RAI1: variants seen among roughly 807,000 people sequenced by gnomAD.
The protein encoded by RAI1 is retinoic acid induced 1.
A neutral mutation model predicts 123.8 loss-of-function variants in RAI1; 9 were observed. That is an observed-to-expected ratio of 0.07 (90% CI 0.04 to 0.13). RAI1 has a LOEUF of 0.13. Among genes scored for constraint, RAI1 ranks in the 10% least tolerant of loss-of-function variants. The pLI, the probability that RAI1 is intolerant of heterozygous loss-of-function variation, is 1.00. For missense variants in RAI1, 2,256 were observed against 2,545.8 expected (o/e 0.89, Z 2.45); for synonymous variants, 1,231 against 1,127.3 (o/e 1.09, Z -1.84).
Position 17,810,513 on chromosome 17 carries a change from C to T in RAI1, c.*532C>T, listed in dbSNP as rs773819051. ...GGACTAGGCGGGGGAGAAAGGAAGC[C>T]TTTCTGAGAGCGGGCTAGGCCGGCA... is the stretch of plus-strand genomic sequence containing the variant. On this transcript the variant is annotated 3_prime_UTR_variant, in exon 6 of 6. Coordinates refer to ENST00000353383, the MANE Select transcript of RAI1 (RefSeq NM_030665.4). This position sits in a 1 kb window ranked among gnomAD's most constrained non-coding sequence, Gnocchi z 4.6. 1.5e-5 allele frequency: 4 copies of T among 267,060 alleles called. No individual in the cohort carries two copies. The highest frequency in any genetic ancestry group is 3.0e-5 in the Non-Finnish European group (4 of 133,244). 16.5% of individuals were successfully genotyped at this position (267,060 alleles called of 1,614,324 possible).
intron 2 of RAI1, among the ~76,000 whole-genome samples, chr17:17,771,610 C>T (rs1313298778): frequency 6.6e-6 from 1 of 152,184 alleles, no homozygotes; most frequent in African/African-American, 2.4e-5. Flanking sequence ...CTGGGGGCTC[C>T]CTGCTCATGT....
intron 2 of RAI1, among the ~76,000 whole-genome samples, chr17:17,729,301 A>T (rs1303337832): frequency 6.6e-6 from 1 of 152,160 alleles, no homozygotes; most frequent in Non-Finnish European, 1.5e-5. Context: ...GGTGGTAGAA[A>T]AGAGTAGTGG....
intron 1 of RAI1, among the ~76,000 whole-genome samples, chr17:17,687,595 C>T (rs757676195): frequency 6.6e-6 from 1 of 151,816 alleles, no homozygotes; most frequent in African/African-American, 2.4e-5. Context: ...GAGATAGGGT[C>T]GGGGTAGGGG....
At chr17:17,691,131 T>A (rs1208090370) in intron 1 of RAI1, among the ~76,000 whole-genome samples, 1 of 152,208 alleles carries the variant, frequency 6.6e-6, no homozygotes, top group African/African-American at 2.4e-5. Context: ...TGTGCCAGGC[T>A]GTGGAGCAGT....
At chr17:17,729,091 G>C (rs943482023) in intron 2 of RAI1, among the ~76,000 whole-genome samples, 8 of 152,302 alleles carry the variant, frequency 5.3e-5, no homozygotes, top group African/African-American at 1.7e-4. Flanking sequence ...CCTGGGCAAG[G>C]CCTGCCTCGC....
At chr17:17,757,184 A>C (rs1325022192) in intron 2 of RAI1, among the ~76,000 whole-genome samples, 1 of 152,114 alleles carries the variant, frequency 6.6e-6, no homozygotes, top group Non-Finnish European at 1.5e-5. Flanking sequence ...CCAGTTTATA[A>C]GTGGGGACAG....
Position 17,809,887 on chromosome 17 carries a change from G to A in RAI1, c.5710-83G>A. 4.5e-6 allele frequency: 7 copies of A among 1,544,144 alleles called. No individual in the cohort carries two copies. The highest frequency in any genetic ancestry group is 5.2e-6 in the Non-Finnish European group (6 of 1,143,582). ...GGGGTCGCCTGGGTCTGGGGCTTAG[G>A]CGGGGGGCCCACACTGGGGGCGGGG... On this transcript the variant is annotated intron_variant, in intron 5 of 5. Transcript: ENST00000353383. This position sits in a 1 kb window ranked among gnomAD's most constrained non-coding sequence, Gnocchi z 4.9.
At chr17:17,808,414 A>ATTTTATTTTATTATT (rs1266596226) in intron 4 of RAI1, among the ~76,000 whole-genome samples, 7 of 125,894 alleles carry the variant, frequency 5.6e-5, no homozygotes, top group African/African-American at 2.3e-4. Flanking sequence ...ATTTTATTTT[A>ATTTTATTTTATTATT]TTATTTTATT....
chr17:17,726,484 C>T (rs1916093925), intron 2 of RAI1, among the ~76,000 whole-genome samples: 1 of 152,234 alleles, frequency 6.6e-6, no homozygotes, highest in Non-Finnish European at 1.5e-5. Context: ...GGCTGCCTTC[C>T]CTTCCCCAGA....
At chr17:17,752,330 G>T (rs920401727) in intron 2 of RAI1, among the ~76,000 whole-genome samples, 3 of 152,242 alleles carry the variant, frequency 2.0e-5, no homozygotes, top group African/African-American at 7.2e-5. Flanking sequence ...GTCACACTGC[G>T]GAGGGGCGGG....
intron 1 of RAI1, among the ~76,000 whole-genome samples, chr17:17,703,278 A>G (rs192365386): frequency 3.3e-5 from 5 of 152,274 alleles, no homozygotes; most frequent in Non-Finnish European, 5.9e-5. Context: ...CGCGCCCCCT[A>G]CTGCCCCGCT....
At chr17:17,740,435 C>T (rs946523909) in intron 2 of RAI1, among the ~76,000 whole-genome samples, 4 of 152,220 alleles carry the variant, frequency 2.6e-5, no homozygotes, top group Non-Finnish European at 5.9e-5. Context: ...TTCTTTGCTC[C>T]CCACCCACCC....
At chr17:17,785,128 G>A (rs1362182976) in intron 2 of RAI1, among the ~76,000 whole-genome samples, 4 of 152,146 alleles carry the variant, frequency 2.6e-5, no homozygotes, top group Non-Finnish European at 1.5e-5. Context: ...CACCCAGCTC[G>A]GCCCACATCC....
intron 2 of RAI1, among the ~76,000 whole-genome samples, chr17:17,786,988 C>G (rs1162232313): frequency 6.6e-6 from 1 of 152,210 alleles, no homozygotes; most frequent in Non-Finnish European, 1.5e-5. Context: ...TTGTGGTGAG[C>G]CCAGATCGCG....
chr17:17,695,217 T>C (rs562602447), intron 1 of RAI1, among the ~76,000 whole-genome samples: 91 of 151,804 alleles, frequency 6.0e-4, no homozygotes, highest in Non-Finnish European at 9.4e-4. Flanking sequence ...AGTGAGGACC[T>C]ACCCTTTGCC....
intron 1 of RAI1, among the ~76,000 whole-genome samples, chr17:17,682,097 G>C (rs2142844897): frequency 6.6e-6 from 1 of 150,648 alleles, no homozygotes; most frequent in East Asian, 2.0e-4. Flanking sequence ...CGCGAGGGGC[G>C]AGTGTGGCAA....
intron 2 of RAI1, among the ~76,000 whole-genome samples, chr17:17,783,970 C>T (rs975164531): frequency 2.0e-5 from 3 of 152,174 alleles, no homozygotes; most frequent in African/African-American, 7.2e-5. Flanking sequence ...AAGCAATTTC[C>T]TCCTCTCTCT....
chr17:17,779,059 C>A (rs1053936098), intron 2 of RAI1: 4 of 368,008 alleles, frequency 1.1e-5, no homozygotes, highest in Non-Finnish European at 2.2e-5. Context: ...CTGGTTTTTA[C>A]TCTTAAACAC....
chr17:17,739,385 C>T (rs1387165965), intron 2 of RAI1, among the ~76,000 whole-genome samples: 2 of 152,300 alleles, frequency 1.3e-5, no homozygotes, highest in East Asian at 1.9e-4. Context: ...CAAATGAAAA[C>T]GCAGAATCCC....
Sources: allele counts gnomAD v4.1 joint callset (sites outside exome capture counted in the v4.1 genomes callset), GRCh38; gene constraint gnomAD v4.1.1; non-coding constraint Gnocchi (gnomAD v3.1); transcripts MANE v1.5; gene names NCBI Gene and HGNC (gene_info 2026-07-23, HGNC 2026-07-21).